CCDC141: variants seen among roughly 807,000 people sequenced by gnomAD.
The protein encoded by CCDC141 is coiled-coil domain containing 141.
A neutral mutation model predicts 181.0 loss-of-function variants in CCDC141; 168 were observed. The observed-to-expected ratio is 0.93, with a 90% CI of 0.82 to 1.05. The LOEUF (loss-of-function observed/expected upper bound fraction) is 1.05, where lower values mean the gene tolerates loss of function less well. Among genes scored for constraint, CCDC141 ranks in the 50% least tolerant of loss-of-function variants. CCDC141 has a pLI of 0.00. For synonymous variants in CCDC141, 666 were observed against 642.3 expected (o/e 1.04, Z -0.56); for missense variants, 1,902 against 1,788.5 (o/e 1.06, Z -1.14).
chr2:178,994,476 C>T (rs1186071145), intron 2 of CCDC141, among the ~76,000 whole-genome samples: 1 of 152,206 alleles, frequency 6.6e-6, no homozygotes, highest in East Asian at 1.9e-4. Context: ...GCACACAGCA[C>T]ATTGACCCTG....
chr2:178,948,002 C>A (rs988932972), intron 5 of CCDC141, among the ~76,000 whole-genome samples: 3 of 152,154 alleles, frequency 2.0e-5, no homozygotes, highest in South Asian at 2.1e-4. Flanking sequence ...GAGTTTGAGA[C>A]CAGCCTGGGC....
rs117347412 is a variant in CCDC141 at position 179,021,596 on chromosome 2, A to G, written c.225+25688T>C. Reference sequence around the variant, plus strand: ...CTCCTGTGCTAAAACCAAATGAGTAAAAGATGAAATGGTTCTGCCGTCAGT... The same window carrying G: ...CTCCTGTGCTAAAACCAAATGAGTAGAAGATGAAATGGTTCTGCCGTCAGT... On this transcript the variant is annotated intron_variant, in intron 2 of 23. Coordinates refer to ENST00000443758, the MANE Select transcript of CCDC141 (RefSeq NM_173648.4). 3.2e-4 allele frequency among the ~76,000 whole-genome samples: 49 copies of G among 152,322 alleles called. No individual in the cohort carries two copies. In the East Asian group the frequency reaches 8.1e-3, roughly 25 times the overall value.
intron 2 of CCDC141, among the ~76,000 whole-genome samples, chr2:179,018,123 T>C (rs1380965321): frequency 2.6e-5 from 4 of 152,184 alleles, no homozygotes; most frequent in Non-Finnish European, 4.4e-5. Context: ...TAAGTGTGGC[T>C]TTGAAATTGC....
rs1686997891 is a variant in CCDC141, at chr2:178,888,562, G to A, written c.1372C>T (p.Gln458Ter). The A allele has an allele frequency of 6.4e-7, 1 of 1,550,430 alleles. No homozygotes were observed. Among genetic ancestry groups the A allele is most frequent in the Non-Finnish European group, 8.7e-7 (1 of 1,146,792 alleles). The change falls in exon 9 of 24, where the codon CAA becomes TAA. Residue 458 changes from glutamine (Q) to a stop codon, truncating the protein, a stop_gained. Coordinates refer to ENST00000443758, the MANE Select transcript of CCDC141 (RefSeq NM_173648.4). LOFTEE classifies it high-confidence loss of function. The part of the protein sequence containing the change: ...AHKEYALKKQ[Q>*]LTASVEGYLR... ...TAACCCTCCACTGAGGCTGTTAGTT[G>A]TTGTTTCTTAAGAGCATATTCCTTG...
chr2:179,037,275 T>C (rs1229007243), intron 2 of CCDC141, among the ~76,000 whole-genome samples: 1 of 152,234 alleles, frequency 6.6e-6, no homozygotes, highest in Non-Finnish European at 1.5e-5. Context: ...TGGAAACATC[T>C]TCCCTAACAC....
rs1559048793 is a variant in CCDC141, at chr2:179,015,105, A to ATCATATATATATACATATATATATAT, written c.225+32178_225+32179insATATATATATATGTATATATATATGA. On this transcript the variant is annotated intron_variant, in intron 2 of 23. Transcript: ENST00000443758. ...ATATATATATATATATATATATATA[A>ATCATATATATATACATATATATATAT]TATATATATAATCATATATATATAT... Among the ~76,000 whole-genome samples, 68 of 21,362 alleles carry ATCATATATATATACATATATATATAT rather than the reference A, an allele frequency of 3.2e-3. 7 individuals are homozygous for ATCATATATATATACATATATATATAT. Among genetic ancestry groups the ATCATATATATATACATATATATATAT allele is most frequent in the Non-Finnish European group, 2.6e-3 (16 of 6,062 alleles). 14.0% of individuals were successfully genotyped at this position (21,362 alleles called of 152,430 possible).
intron 2 of CCDC141, among the ~76,000 whole-genome samples, chr2:178,989,605 A>AT (rs1158903140): frequency 1.5e-4 from 21 of 136,882 alleles, no homozygotes; most frequent in Non-Finnish European, 2.9e-4. Flanking sequence ...AAAAAAAAAA[A>AT]AAATAAATAA....
intron 4 of CCDC141, among the ~76,000 whole-genome samples, chr2:178,969,179 A>G (rs999849379): frequency 3.3e-5 from 5 of 150,812 alleles, no homozygotes; most frequent in African/African-American, 1.2e-4. Flanking sequence ...AGGTACAAAG[A>G]GGAGCTGGTA....
intron 8 of CCDC141, among the ~76,000 whole-genome samples, chr2:178,895,139 T>C (rs1263220032): frequency 2.0e-5 from 3 of 152,212 alleles, no homozygotes; most frequent in Non-Finnish European, 4.4e-5. Flanking sequence ...AAAAACTATT[T>C]GATATGGACT....
At chr2:178,835,064 T>G (rs1235336262) in intron 23 of CCDC141, among the ~76,000 whole-genome samples, 2 of 152,174 alleles carry the variant, frequency 1.3e-5, no homozygotes, top group Non-Finnish European at 2.9e-5. Context: ...CATTTGCTCA[T>G]AGTAACAATT....
At chr2:179,040,883 C>T (rs1355302912) in intron 2 of CCDC141, among the ~76,000 whole-genome samples, 1 of 152,128 alleles carries the variant, frequency 6.6e-6, no homozygotes, top group East Asian at 1.9e-4. Context: ...GATTTACATT[C>T]CTTTGGGTAT....
intron 2 of CCDC141, among the ~76,000 whole-genome samples, chr2:178,984,746 A>C (rs1453984109): frequency 1.0e-3 from 151 of 151,682 alleles, no homozygotes; most frequent in African/African-American, 3.6e-3. Flanking sequence ...TAAAGGGATC[A>C]ATTCAACAAG....
At chr2:178,879,602 G>T (rs538315523) in intron 11 of CCDC141, among the ~76,000 whole-genome samples, 1 of 152,160 alleles carries the variant, frequency 6.6e-6, no homozygotes, top group East Asian at 1.9e-4. Flanking sequence ...ATTTTGGGGG[G>T]TACTCAAAAA....
Position 178,868,117 on chromosome 2 carries a change from C to G in CCDC141, c.2483G>C (p.Arg828Pro). The G allele has an allele frequency of 1.2e-6, 2 of 1,613,978 alleles. No homozygotes were observed. Among genetic ancestry groups the G allele is most frequent in the South Asian group, 1.1e-5 (1 of 91,080 alleles). ...GDAHDVQIHL[R>P]CSQEKQARVD... ...ACGGGCTTGCTTTTCCTGAGAGCAC[C>G]GGAGGTGAATCTGCACATCATGGGC... The change falls in exon 16 of 24, where the codon CGG (arginine) becomes CCG (proline). Residue 828 changes from arginine (R) to proline (P), a missense_variant. By Grantham distance (103) the Arg-to-Pro change is moderately radical. Transcript: ENST00000443758.
At chr2:178,824,195 A>G in the CCDC141 span, among the ~76,000 whole-genome samples, 1 of 152,162 alleles carries the variant, frequency 6.6e-6, no homozygotes, top group Non-Finnish European at 1.5e-5. Context: ...TTAACCAACA[A>G]TTTCTTATAT....
chr2:178,857,023 A>AT (rs1685417797), intron 17 of CCDC141, among the ~76,000 whole-genome samples: 1 of 152,252 alleles, frequency 6.6e-6, no homozygotes, highest in South Asian at 2.1e-4. Flanking sequence ...TAGCTATAGA[A>AT]TATTCCTTTG....
intron 8 of CCDC141, among the ~76,000 whole-genome samples, chr2:178,893,831 A>G (rs961225258): frequency 1.2e-4 from 18 of 151,832 alleles, no homozygotes; most frequent in African/African-American, 2.7e-4. Context: ...ACGCACACAC[A>G]CACACACACA....
At chr2:179,002,749 A>G (rs2042021932) in intron 2 of CCDC141, 1 of 155,220 alleles carries the variant, frequency 6.4e-6, no homozygotes, top group South Asian at 2.0e-4. Flanking sequence ...AAGAGCGTCT[A>G]CTTCTGAGTC....
chr2:179,032,641 A>C (rs527929519), intron 2 of CCDC141, among the ~76,000 whole-genome samples: 1 of 152,188 alleles, frequency 6.6e-6, no homozygotes, highest in African/African-American at 2.4e-5. Flanking sequence ...CCCCTAATCT[A>C]TCTGCCGGCA....
Sources: gnomAD v4.1 joint callset for allele counts (sites outside exome capture counted in the v4.1 genomes callset) on GRCh38, gnomAD v4.1.1 for gene constraint, MANE v1.5 for transcripts, NCBI Gene and HGNC (gene_info 2026-07-23, HGNC 2026-07-21) for gene names.